CSGALNACT1: variants seen among roughly 807,000 people sequenced by gnomAD.
CSGALNACT1 encodes beta4GalNAcT-1.
Under a neutral mutation model 51.0 loss-of-function variants are expected in CSGALNACT1, and 52 were observed. That is an observed-to-expected ratio of 1.02 (90% CI 0.82 to 1.29). The LOEUF is 1.29. Among genes scored for constraint, CSGALNACT1 ranks in the 50% most tolerant of loss-of-function variants. The pLI is 0.00. For synonymous variants in CSGALNACT1, 341 were observed against 254.4 expected (o/e 1.34, Z -3.24); for missense variants, 935 against 679.2 (o/e 1.38, Z -4.19).
intron 1 of CSGALNACT1, among the ~76,000 whole-genome samples, chr8:19,731,660 T>A (rs2063700925): frequency 6.6e-6 from 1 of 152,184 alleles, no homozygotes; most frequent in African/African-American, 2.4e-5. Flanking sequence ...GATCTGTGGA[T>A]AGAAGATGGT....
At chr8:19,568,364 G>A (rs1430055732) in intron 3 of CSGALNACT1, among the ~76,000 whole-genome samples, 1 of 152,078 alleles carries the variant, frequency 6.6e-6, no homozygotes, top group Non-Finnish European at 1.5e-5. Context: ...AAGGCATAGG[G>A]AAAATATGGT....
At chr8:19,756,935 C>T (rs1194720545) in intron 1 of CSGALNACT1, among the ~76,000 whole-genome samples, 2 of 151,322 alleles carry the variant, frequency 1.3e-5, no homozygotes, top group South Asian at 2.1e-4. Context: ...CCCCGCGCGC[C>T]CACCTGGAGG....
intron 6 of CSGALNACT1, among the ~76,000 whole-genome samples, chr8:19,428,508 C>T (rs570529019): frequency 6.6e-6 from 1 of 152,260 alleles, no homozygotes; most frequent in East Asian, 1.9e-4. Flanking sequence ...TGCTCTCTCG[C>T]CAGGTCCCTC....
chr8:19,487,394 G>T (rs1187936714), intron 4 of CSGALNACT1, among the ~76,000 whole-genome samples: 3 of 152,192 alleles, frequency 2.0e-5, no homozygotes, highest in Non-Finnish European at 4.4e-5. Context: ...AGCACAGGAT[G>T]CCCAGTGTCC....
intron 1 of CSGALNACT1, among the ~76,000 whole-genome samples, chr8:19,672,725 C>T (rs991534970): frequency 2.6e-5 from 4 of 151,736 alleles, no homozygotes; most frequent in African/African-American, 9.7e-5. Flanking sequence ...TAGTATTTAG[C>T]TGCTGCTCTT....
At chr8:19,444,160 C>T (rs1424829505) in intron 5 of CSGALNACT1, among the ~76,000 whole-genome samples, 1 of 152,192 alleles carries the variant, frequency 6.6e-6, no homozygotes, top group Non-Finnish European at 1.5e-5. Context: ...AGTTGGGGCC[C>T]CCTGTCTTAT....
At chr8:19,505,982 C>T (rs2077264254) in exon 4 of CSGALNACT1, 1 of 858,650 alleles carries the variant, frequency 1.2e-6, no homozygotes, top group Non-Finnish European at 1.9e-6. Flanking sequence ...CGAGTTCTGC[C>T]TCTTGGAGTT....
At position 19,446,496 on chromosome 8, in the gene CSGALNACT1, A is replaced by AATTC. The variant is rs375986004; in HGVS notation, c.852-6569_852-6566dup. Among the ~76,000 whole-genome samples the AATTC allele has an allele frequency of 8.2e-3, 1,248 of 151,990 alleles. 11 individuals carry two copies. Among genetic ancestry groups the AATTC allele is most frequent in the African/African-American group, 0.02 (829 of 41,416 alleles). On this transcript the variant is annotated intron_variant, in intron 5 of 9. Transcript: ENST00000454498. ...TTCTGCCTGAACCTGGAAGCCTGAAAATTCATTCATTCATTCATTCATTCA... is the reference window on the plus strand; with the variant it reads ...TTCTGCCTGAACCTGGAAGCCTGAAAATTCATTCATTCATTCATTCATTCATTCA...
chr8:19,502,691 A>G (rs894369473), intron 4 of CSGALNACT1, among the ~76,000 whole-genome samples: 1 of 152,210 alleles, frequency 6.6e-6, no homozygotes, highest in Non-Finnish European at 1.5e-5. Context: ...AACCCAAAGA[A>G]GTTATTTTTA....
chr8:19,754,230 G>T (rs1389120668), intron 1 of CSGALNACT1, among the ~76,000 whole-genome samples: 1 of 152,052 alleles, frequency 6.6e-6, no homozygotes, highest in Non-Finnish European at 1.5e-5. Context: ...GTTTCGCCCT[G>T]TTGGCCAGGC....
intron 1 of CSGALNACT1, among the ~76,000 whole-genome samples, chr8:19,668,289 G>C (rs2059539897): frequency 6.6e-6 from 1 of 151,946 alleles, no homozygotes. Flanking sequence ...ACACCCCTCA[G>C]CTTCCTTAGC....
chr8:19,748,815 A>C (rs1336148507), intron 1 of CSGALNACT1, among the ~76,000 whole-genome samples: 1 of 152,064 alleles, frequency 6.6e-6, no homozygotes, highest in Non-Finnish European at 1.5e-5. Context: ...AAATACAAAA[A>C]TTAGCCGGGT....
intron 4 of CSGALNACT1, among the ~76,000 whole-genome samples, chr8:19,468,193 T>G (rs922697963): frequency 2.6e-5 from 4 of 152,000 alleles, no homozygotes; most frequent in Non-Finnish European, 5.9e-5. Context: ...TTACCAGAAC[T>G]GAAGACTGAG....
intron 1 of CSGALNACT1, among the ~76,000 whole-genome samples, chr8:19,719,756 A>G (rs1021435): frequency 0.58 from 88,204 of 151,986 alleles, 25,830 homozygotes; most frequent in Middle Eastern, 0.71. Flanking sequence ...CCAGCTGCCT[A>G]CATTCACCTC....
chr8:19,439,678 C>A, intron 6 of CSGALNACT1, 152 bp downstream of exon 5: 2 of 695,728 alleles, frequency 2.9e-6, no homozygotes, highest in Non-Finnish European at 5.2e-6. Flanking sequence ...AAGAGGAGTG[C>A]AGACTTTTCC....
upstream of CSGALNACT1, among the ~76,000 whole-genome samples, chr8:19,606,484 C>G (rs1181499216): frequency 6.6e-6 from 1 of 152,138 alleles, no homozygotes; most frequent in African/African-American, 2.4e-5. Context: ...TAACCACATT[C>G]CTTCTACATT....
chr8:19,442,088 G>A (rs2153760994), intron 5 of CSGALNACT1, among the ~76,000 whole-genome samples: 1 of 152,262 alleles, frequency 6.6e-6, no homozygotes, highest in South Asian at 2.1e-4. Flanking sequence ...GAGAGGATGT[G>A]GAGAAATAGG....
chr8:19,604,280 T>C (rs1415510356), upstream of CSGALNACT1, among the ~76,000 whole-genome samples: 2 of 152,062 alleles, frequency 1.3e-5, no homozygotes, highest in Non-Finnish European at 2.9e-5. Flanking sequence ...GAGAAGTGGG[T>C]ATGTTCAACT....
intron 1 of CSGALNACT1, among the ~76,000 whole-genome samples, chr8:19,679,901 C>A (rs1332253393): frequency 6.6e-6 from 1 of 152,180 alleles, no homozygotes; most frequent in African/African-American, 2.4e-5. Context: ...GCACTGAATT[C>A]ATAGACCTTC....
Sources: gnomAD v4.1 joint callset for allele counts (sites outside exome capture counted in the v4.1 genomes callset) on GRCh38, gnomAD v4.1.1 for gene constraint, MANE v1.5 for transcripts, NCBI Gene and HGNC (gene_info 2026-07-23, HGNC 2026-07-21) for gene names.